Variants in FMNL2 observed in about 807,000 individuals in gnomAD.
The protein encoded by FMNL2 is formin like 2.
Under a neutral mutation model 130.2 loss-of-function variants are expected in FMNL2, and 51 were observed. The ratio of observed to expected loss-of-function variants is 0.39; its 90% CI spans 0.31 to 0.49. FMNL2 has a LOEUF of 0.49. FMNL2 is among the 20% of genes least tolerant of loss of function. The pLI is 0.85. For missense variants in FMNL2, 977 were observed against 1,316.2 expected, an observed-to-expected ratio of 0.74 and a Z score of 3.99; for synonymous variants, 465 against 467.1, an observed-to-expected ratio of 1.00 and a Z score of 0.06.
intron 1 of FMNL2, among the ~76,000 whole-genome samples, chr2:152,483,132 T>A (rs1218397555): frequency 6.6e-6 from 1 of 152,182 alleles, no homozygotes; most frequent in Non-Finnish European, 1.5e-5. Flanking sequence ...CTGTAAGAAT[T>A]CCATAAAGAC....
chr2:152,532,364 G>A (rs1343559587), intron 2 of FMNL2, among the ~76,000 whole-genome samples: 1 of 152,064 alleles, frequency 6.6e-6, no homozygotes, highest in African/African-American at 2.4e-5. Context: ...AGACCATTTT[G>A]CATTCCTACC....
intron 7 of FMNL2, 113 bp from the exon 8 acceptor site, chr2:152,578,775 T>C (rs1696615659): frequency 1.4e-6 from 1 of 721,636 alleles, no homozygotes; most frequent in East Asian, 2.7e-5. Flanking sequence ...TTTATAATGG[T>C]GTAAGTTTCA....
chr2:152,570,993 A>T (rs1696141906), intron 6 of FMNL2, among the ~76,000 whole-genome samples: 1 of 152,228 alleles, frequency 6.6e-6, no homozygotes, highest in Non-Finnish European at 1.5e-5. Flanking sequence ...AAAGGGACTG[A>T]TTCTCAGAGC....
At chr2:152,358,400 AG>A (rs1279785931) in intron 1 of FMNL2, among the ~76,000 whole-genome samples, 4 of 152,132 alleles carry the variant, frequency 2.6e-5, no homozygotes, top group Non-Finnish European at 4.4e-5. Context: ...CTGTAATCCC[AG>A]CACTTTGGGA....
intron 9 of FMNL2, among the ~76,000 whole-genome samples, chr2:152,582,396 T>C (rs1168982721): frequency 2.0e-5 from 3 of 152,220 alleles, no homozygotes; most frequent in Non-Finnish European, 2.9e-5. Context: ...CTCCTCTTGC[T>C]CCTTTATTTG....
At chr2:152,357,793 C>G (rs936931334) in intron 1 of FMNL2, among the ~76,000 whole-genome samples, 1 of 152,202 alleles carries the variant, frequency 6.6e-6, no homozygotes, top group Non-Finnish European at 1.5e-5. Context: ...GGGAGCCTAA[C>G]CGTGTATTTC....
At chr2:152,457,530 T>G (rs912716087) in intron 1 of FMNL2, among the ~76,000 whole-genome samples, 3 of 152,186 alleles carry the variant, frequency 2.0e-5, no homozygotes, top group Non-Finnish European at 4.4e-5. Context: ...GACTTCAGGG[T>G]CCACATTCAA....
chr2:152,637,037 G>T (rs113650515), intron 22 of FMNL2, among the ~76,000 whole-genome samples: 3,551 of 152,306 alleles, frequency 0.023, 61 homozygotes, highest in Non-Finnish European at 0.034. Flanking sequence ...CAGAGGCAAA[G>T]TTGGGGGATG....
chr2:152,392,021 T>G (rs922589493), intron 1 of FMNL2, among the ~76,000 whole-genome samples: 4 of 148,252 alleles, frequency 2.7e-5, no homozygotes, highest in African/African-American at 9.8e-5. Context: ...ATTGCCACCC[T>G]CCTTGCTATT....
intron 9 of FMNL2, among the ~76,000 whole-genome samples, chr2:152,603,660 G>T (rs140567231): frequency 1.3e-5 from 2 of 150,740 alleles, no homozygotes; most frequent in African/African-American, 2.4e-5. Context: ...GTTTGTTGCC[G>T]TCCACATGTG....
intron 1 of FMNL2, among the ~76,000 whole-genome samples, chr2:152,384,613 C>T (rs1684680946): frequency 6.6e-6 from 1 of 152,030 alleles, no homozygotes; most frequent in African/African-American, 2.4e-5. Context: ...CTTCAAACAT[C>T]GTGCTTGAAA....
intron 1 of FMNL2, among the ~76,000 whole-genome samples, chr2:152,339,104 A>G (rs1361463024): frequency 1.3e-5 from 2 of 152,230 alleles, no homozygotes; most frequent in Non-Finnish European, 2.9e-5. Context: ...TTTGGGGGTT[A>G]CATCAAGCTT....
chr2:152,416,710 G>A (rs2106024027), intron 1 of FMNL2, among the ~76,000 whole-genome samples: 1 of 152,328 alleles, frequency 6.6e-6, no homozygotes, highest in East Asian at 1.9e-4. Context: ...GACTTTCAAT[G>A]AAATTAGATT....
intron 1 of FMNL2, among the ~76,000 whole-genome samples, chr2:152,440,731 G>A (rs1688007732): frequency 6.6e-6 from 1 of 152,184 alleles, no homozygotes; most frequent in Non-Finnish European, 1.5e-5. Flanking sequence ...TTATCCAAGA[G>A]TCTGCATGCA....
Position 152,558,058 on chromosome 2 carries a change from T to G in FMNL2, c.360-682T>G, listed in dbSNP as rs151273060. 3.0e-3 allele frequency among the ~76,000 whole-genome samples: 457 copies of G among 152,330 alleles called. 1 individual carries two copies. The highest frequency in any genetic ancestry group is 0.011 in the African/African-American group (442 of 41,566). On this transcript the variant is annotated intron_variant, in intron 4 of 25. Transcript: ENST00000288670. ...AATAAGAATGTATAAGCATTCTCCA[T>G]GCACTGTGGAGCACCATTCAAATGC...
At chr2:152,620,622 C>T (rs967890194) in intron 15 of FMNL2, among the ~76,000 whole-genome samples, 1 of 152,166 alleles carries the variant, frequency 6.6e-6, no homozygotes, top group African/African-American at 2.4e-5. Flanking sequence ...TAATAGCCTC[C>T]ATTTCCAAGG....
At chr2:152,489,214 G>A (rs1380839444) in intron 1 of FMNL2, among the ~76,000 whole-genome samples, 1 of 150,900 alleles carries the variant, frequency 6.6e-6, no homozygotes, top group Non-Finnish European at 1.5e-5. Context: ...TAGCAGAAAG[G>A]GTAAAACAAG....
chr2:152,522,060 A>G lies in FMNL2; in HGVS notation c.201+34A>G, dbSNP rs4664592. The G allele has an allele frequency of 0.61, 941,101 of 1,545,966 alleles. 288,766 individuals are homozygous for G. Among genetic ancestry groups the G allele is most frequent in the Non-Finnish European group, 0.63 (707,142 of 1,129,828 alleles). ...CAGTGACACTTTCTTTTATGAAAAA[A>G]GTAATGAAAGAAGAGATCCAGTGTG... On this transcript the variant is annotated intron_variant, in intron 2 of 25. Coordinates refer to ENST00000288670, the MANE Select transcript of FMNL2 (RefSeq NM_052905.4).
intron 2 of FMNL2, among the ~76,000 whole-genome samples, chr2:152,531,210 G>T (rs987974534): frequency 3.9e-5 from 6 of 152,132 alleles, no homozygotes; most frequent in African/African-American, 1.4e-4. Context: ...TATAAGATGA[G>T]CACATCTAAC....
Sources: gnomAD v4.1 joint callset for allele counts (sites outside exome capture counted in the v4.1 genomes callset) on GRCh38, gnomAD v4.1.1 for gene constraint, MANE v1.5 for transcripts, NCBI Gene and HGNC (gene_info 2026-07-23, HGNC 2026-07-21) for gene names.